The following REL variants were observed in gnomAD, a reference collection of about 807,000 sequenced individuals.
REL encodes the protein proto-oncogene c-Rel.
REL carries 15 observed loss-of-function variants against 45.9 expected under a neutral mutation model. The observed-to-expected ratio is 0.33, with a 90% CI of 0.22 to 0.50. REL has a LOEUF of 0.50. Among genes scored for constraint, REL ranks in the 20% least tolerant of loss-of-function variants. The probability of loss-of-function intolerance (pLI) is 0.98; values close to 1 mark genes in which losing one functional copy is unlikely to be tolerated. For missense variants in REL, 601 were observed against 715.2 expected (o/e 0.84, Z 1.82); for synonymous variants, 239 against 242.1 (o/e 0.99, Z 0.12).
chr2:60,920,790 A>C, intron 9 of REL, 148 bp downstream of exon 9: 1 of 544,442 alleles, frequency 1.8e-6, no homozygotes, highest in South Asian at 2.7e-5. Flanking sequence ...GAATGAATTA[A>C]GCATGGCTTC....
chr2:60,903,693 G>A (rs1028363375), intron 4 of REL, among the ~76,000 whole-genome samples: 1 of 152,066 alleles, frequency 6.6e-6, no homozygotes, highest in Non-Finnish European at 1.5e-5. Flanking sequence ...ACTACGCCTG[G>A]CTAATTTTTG....
Position 60,923,069 on chromosome 2 carries a change from A to T in REL, c.*534A>T, listed in dbSNP as rs1308530129. On this transcript the variant is annotated 3_prime_UTR_variant, in exon 10 of 10. Coordinates refer to ENST00000394479, the MANE Select transcript of REL (RefSeq NM_001291746.2). ...AAAAAAAAAAAAACAAAAAAAACAC[A>T]CTTTTTTATATTTCTTTTTATAATG... is the stretch of plus-strand genomic sequence containing the variant. The T allele has an allele frequency of 5.7e-6, 1 of 175,062 alleles. No individual in the cohort carries two copies. Among genetic ancestry groups the T allele is most frequent in the African/African-American group, 2.4e-5 (1 of 42,024 alleles). The allele number at this position is 175,062 out of a possible 1,614,324, so 10.8% of individuals were successfully genotyped here. A position where few individuals can be genotyped will look rare whatever the true frequency, so the allele number is the denominator to read the frequency against.
chr2:60,906,669 G>T (rs1298764165), intron 4 of REL, among the ~76,000 whole-genome samples: 1 of 152,014 alleles, frequency 6.6e-6, no homozygotes, highest in Non-Finnish European at 1.5e-5. Context: ...GAAGAGCCAT[G>T]TTCTTTCTTA....
intron 1 of REL, among the ~76,000 whole-genome samples, chr2:60,887,241 A>G (rs916941532): frequency 1.3e-5 from 2 of 152,222 alleles, no homozygotes; most frequent in Non-Finnish European, 2.9e-5. Context: ...TTTAAAAATC[A>G]TAAACACAGA....
chr2:60,916,810 G>A, intron 4 of REL, 67 bp from the exon 5 acceptor site: 1 of 1,101,730 alleles, frequency 9.1e-7, no homozygotes, highest in Non-Finnish European at 1.3e-6. Context: ...TGGGCAGGGA[G>A]GAGGACCTAG....
At position 60,907,410 on chromosome 2, in the gene REL, G is replaced by A. The variant is rs192563030; in HGVS notation, c.394+6327G>A. ...GCCTGTAATCCCAGCCCTTGGGGAG[G>A]CCAAGATGGGTGGATCACTTGAGTC... On this transcript the variant is annotated intron_variant, in intron 4 of 9. Transcript: ENST00000394479. Among the ~76,000 whole-genome samples, 15 of 152,026 alleles carry A rather than the reference G, an allele frequency of 9.9e-5. No individual in the cohort carries two copies. The East Asian group carries it at 2.8e-3, about 28-fold the overall frequency.
Position 60,930,118 on chromosome 2 carries a change from G to A in REL, c.*7583G>A, listed in dbSNP as rs1674354174. 1 of 152,236 alleles carries A rather than the reference G, an allele frequency of 6.6e-6. No individual in the cohort carries two copies. Among genetic ancestry groups the A allele is most frequent in the Admixed American group, 6.6e-5 (1 of 15,264 alleles). 9.4% of individuals were successfully genotyped at this position (152,236 alleles called of 1,614,324 possible). A position where few individuals can be genotyped will look rare whatever the true frequency, so the allele number is the denominator to read the frequency against. On this transcript the variant is annotated 3_prime_UTR_variant, in exon 10 of 10. Transcript: ENST00000394479. ...ATAGCATGGAGAAATGGAAAGAATAGGGACTTTTTACTCAGGTAATACCCA... is the reference window on the plus strand; with the variant it reads ...ATAGCATGGAGAAATGGAAAGAATAAGGACTTTTTACTCAGGTAATACCCA...
In REL at chr2:60,894,401, TGA is replaced by T; in HGVS notation, c.159_160del (p.Met53IlefsTer17). ...TTAATTTCCCCCTTTTTTCAGATTA[TGA>T]ACTATTATGGAAAAGGAAAAGTGAG... On this transcript the variant is annotated frameshift_variant, in exon 3 of 10. Coordinates refer to ENST00000394479, the MANE Select transcript of REL (RefSeq NM_001291746.2). LOFTEE classifies it high-confidence loss of function. 6.6e-7 allele frequency: 1 copy of T among 1,517,430 alleles called. No individual in the cohort carries two copies. Among genetic ancestry groups the T allele is most frequent in the African/African-American group, 1.4e-5 (1 of 71,624 alleles). The allele number at this position is 1,517,430 out of a possible 1,614,324, so 94.0% of individuals were successfully genotyped here. A position where few individuals can be genotyped will look rare whatever the true frequency, so the allele number is the denominator to read the frequency against.
chr2:60,915,305 C>G (rs1673934600), intron 4 of REL, among the ~76,000 whole-genome samples: 1 of 152,186 alleles, frequency 6.6e-6, no homozygotes, highest in Non-Finnish European at 1.5e-5. Context: ...ACACTAATAT[C>G]TTGAATGCTA....
At position 60,928,812 on chromosome 2, in the gene REL, A is replaced by G. The variant is rs1278947934; in HGVS notation, c.*6277A>G. ...CCAAAAGCAATGGCAACAAAAGCCA[A>G]AATTGACAAATGGGATCTAATTAAA... On this transcript the variant is annotated 3_prime_UTR_variant, in exon 10 of 10. Transcript: ENST00000394479. The G allele has an allele frequency of 1.7e-3, 257 of 148,906 alleles. 2 individuals carry two copies. Among genetic ancestry groups the G allele is most frequent in the Admixed American group, 2.6e-3 (38 of 14,818 alleles). 9.2% of individuals were successfully genotyped at this position (148,906 alleles called of 1,614,324 possible). A position where few individuals can be genotyped will look rare whatever the true frequency, so the allele number is the denominator to read the frequency against.
chr2:60,895,002 A>C (rs1173446488), intron 3 of REL, among the ~76,000 whole-genome samples: 1 of 151,508 alleles, frequency 6.6e-6, no homozygotes, highest in African/African-American at 2.4e-5. Flanking sequence ...GATTACAGGC[A>C]TGCACCACCA....
intron 7 of REL, among the ~76,000 whole-genome samples, chr2:60,919,635 G>A (rs1271376434): frequency 6.6e-6 from 1 of 151,962 alleles, no homozygotes; most frequent in Non-Finnish European, 1.5e-5. Context: ...ATGTTGGCCA[G>A]GCTGGTCTCA....
chr2:60,921,624 T>C, intron 9 of REL, 139 bp from the exon 10 acceptor site: 1 of 756,828 alleles, frequency 1.3e-6, no homozygotes, highest in Admixed American at 3.3e-5. Flanking sequence ...CTTTTTACAT[T>C]TTTTTATTTG....
chr2:60,886,467 C>T (rs529609551), intron 1 of REL, among the ~76,000 whole-genome samples: 1 of 152,162 alleles, frequency 6.6e-6, no homozygotes, highest in South Asian at 2.1e-4. Flanking sequence ...TATTAGCATA[C>T]CATTCATAAT....
chr2:60,915,311 TG>T (rs1673934747), intron 4 of REL, among the ~76,000 whole-genome samples: 1 of 152,252 alleles, frequency 6.6e-6, no homozygotes, highest in Admixed American at 6.5e-5. Context: ...ATATCTTGAA[TG>T]CTACATTTAT....
intron 2 of REL, 108 bp from the exon 3 acceptor site, chr2:60,894,289 A>G (rs1022270565): frequency 1.6e-6 from 1 of 639,338 alleles, no homozygotes; most frequent in African/African-American, 1.9e-5. Context: ...GATTTTATTT[A>G]TCTAGTGCCA....
rs76157742 is a variant in REL, at chr2:60,921,531, T to G, written c.992-232T>G. Among the ~76,000 whole-genome samples the G allele has an allele frequency of 8.3e-3, 1,265 of 152,292 alleles. 9 individuals carry two copies. Among genetic ancestry groups the G allele is most frequent in the Non-Finnish European group, 0.013 (880 of 68,016 alleles). ...GTGAAATTACATATGCCAAAGTAACTTGCCAAAATCATTTTACCTGTATTT... is the reference window on the plus strand; with the variant it reads ...GTGAAATTACATATGCCAAAGTAACGTGCCAAAATCATTTTACCTGTATTT... On this transcript the variant is annotated intron_variant, in intron 9 of 9. Coordinates refer to ENST00000394479, the MANE Select transcript of REL (RefSeq NM_001291746.2).
At chr2:60,910,186 C>T (rs772998049) in intron 4 of REL, among the ~76,000 whole-genome samples, 1 of 151,946 alleles carries the variant, frequency 6.6e-6, no homozygotes, top group Non-Finnish European at 1.5e-5. Context: ...AAGGAAGGGG[C>T]TGGGCACGGT....
At chr2:60,898,869 C>T (rs761490408) in intron 3 of REL, 5 of 152,172 alleles carry the variant, frequency 3.3e-5, no homozygotes, top group African/African-American at 4.8e-5. Context: ...CATTACTTTG[C>T]AGAGTTTTTG....
Sources: allele counts gnomAD v4.1 joint callset (sites outside exome capture counted in the v4.1 genomes callset), GRCh38; gene constraint gnomAD v4.1.1; transcripts MANE v1.5; gene names NCBI Gene and HGNC (gene_info 2026-07-23, HGNC 2026-07-21).